Variants in ZBTB8OS observed in about 807,000 individuals in gnomAD.
The protein encoded by ZBTB8OS is tRNA-splicing ligase-activating factor archease.
In ZBTB8OS, 16 loss-of-function variants were observed where a neutral mutation model predicts 29.3. The ratio of observed to expected loss-of-function variants is 0.55; its 90% CI spans 0.37 to 0.83. ZBTB8OS has a LOEUF of 0.83. Among genes scored for constraint, ZBTB8OS ranks in the 40% least tolerant of loss-of-function variants. The pLI is 0.00. For missense variants in ZBTB8OS, 160 were observed against 196.9 expected (o/e 0.81, Z 1.12); for synonymous variants, 70 against 64.6 (o/e 1.08, Z -0.40).
chr1:32,631,194 G>GA (rs1226235286), intron 5 of ZBTB8OS, among the ~76,000 whole-genome samples: 3 of 151,010 alleles, frequency 2.0e-5, no homozygotes, highest in Non-Finnish European at 4.4e-5. Flanking sequence ...CATCTCTTCA[G>GA]AAAACAAAAA....
At chr1:32,636,065 C>T (rs1476546070) in intron 1 of ZBTB8OS, among the ~76,000 whole-genome samples, 1 of 152,194 alleles carries the variant, frequency 6.6e-6, no homozygotes, top group South Asian at 2.1e-4. Flanking sequence ...ACTCAGCTGA[C>T]ACCACCCAGA....
chr1:32,624,058 A>G (rs1436197589), intron 6 of ZBTB8OS, among the ~76,000 whole-genome samples: 2 of 152,102 alleles, frequency 1.3e-5, no homozygotes, highest in Non-Finnish European at 2.9e-5. Flanking sequence ...TCCTGCCACA[A>G]TGTGAAGAAG....
At position 32,633,581 on chromosome 1, in the gene ZBTB8OS, G is replaced by C. The variant is rs2148372447; in HGVS notation, c.327+64C>G. 4.2e-6 allele frequency: 5 copies of C among 1,185,654 alleles called. No individual in the cohort carries two copies. In the South Asian group the frequency reaches 6.8e-5, roughly 16 times the overall value. The allele number at this position is 1,185,654 out of a possible 1,614,324, so 73.4% of individuals were successfully genotyped here. A position where few individuals can be genotyped will look rare whatever the true frequency, so the allele number is the denominator to read the frequency against. Reference sequence around the variant, plus strand: ...TCACATGTCCTATTTTAAATCATCTGTTCTATTTTAAAATATGAACTAAGA... The same window carrying C: ...TCACATGTCCTATTTTAAATCATCTCTTCTATTTTAAAATATGAACTAAGA... On this transcript the variant is annotated intron_variant, in intron 4 of 6. Coordinates refer to ENST00000468695, the MANE Select transcript of ZBTB8OS (RefSeq NM_178547.5).
At position 32,634,641 on chromosome 1, in the gene ZBTB8OS, C is replaced by A. The variant is rs185010447; in HGVS notation, c.122+127G>T. The A allele has an allele frequency of 2.4e-3, 3,102 of 1,270,472 alleles. 6 individuals are homozygous for A. Among genetic ancestry groups the A allele is most frequent in the Middle Eastern group, 4.8e-3 (26 of 5,376 alleles). The allele number at this position is 1,270,472 out of a possible 1,614,324, so 78.7% of individuals were successfully genotyped here. A position where few individuals can be genotyped will look rare whatever the true frequency, so the allele number is the denominator to read the frequency against. ...CCCTGCAAAACTGAGTGCTTTCAAACCATCATTTTCATATTGTGAAGGAAC... is the reference window on the plus strand; with the variant it reads ...CCCTGCAAAACTGAGTGCTTTCAAAACATCATTTTCATATTGTGAAGGAAC... On this transcript the variant is annotated intron_variant, in intron 2 of 6. Transcript: ENST00000468695.
intron 1 of ZBTB8OS, among the ~76,000 whole-genome samples, chr1:32,646,633 C>G (rs1158633176): frequency 6.6e-6 from 1 of 150,870 alleles, no homozygotes; most frequent in African/African-American, 2.4e-5. Context: ...CGTGATCCGC[C>G]GGCCAAAAGT....
At chr1:32,636,588 G>A (rs184254948) in intron 1 of ZBTB8OS, among the ~76,000 whole-genome samples, 1 of 151,926 alleles carries the variant, frequency 6.6e-6, no homozygotes, top group East Asian at 1.9e-4. Context: ...TACTCAGGAG[G>A]CTGAGGCAGG....
intron 1 of ZBTB8OS, among the ~76,000 whole-genome samples, chr1:32,639,316 A>C (rs1285055197): frequency 6.6e-6 from 1 of 151,734 alleles, no homozygotes; most frequent in East Asian, 1.9e-4. Flanking sequence ...AAATAAAAAA[A>C]AAAAAGATGG....
chr1:32,625,158 G>A (rs1645020736), intron 6 of ZBTB8OS, among the ~76,000 whole-genome samples: 1 of 151,656 alleles, frequency 6.6e-6, no homozygotes, highest in Non-Finnish European at 1.5e-5. Context: ...GGGAGGGGGA[G>A]GTTGCAGTGA....
At chr1:32,631,398 A>G (rs1313116236) in intron 5 of ZBTB8OS, among the ~76,000 whole-genome samples, 1 of 151,990 alleles carries the variant, frequency 6.6e-6, no homozygotes, top group Admixed American at 6.6e-5. Context: ...TAAAAAATAT[A>G]ATTAAGTGAC....
chr1:32,650,350 G>GA, intron 1 of ZBTB8OS, 83 bp downstream of exon 1: 1 of 1,566,770 alleles, frequency 6.4e-7, no homozygotes, highest in Non-Finnish European at 8.7e-7. Flanking sequence ...GGGCACAGTA[G>GA]AAAGAGCAGC....
In ZBTB8OS at chr1:32,621,127, A is replaced by T. The variant is rs531857180; in HGVS notation, c.*735T>A. On this transcript the variant is annotated 3_prime_UTR_variant, in exon 7 of 7. Transcript: ENST00000468695. ...GAAAATCTATGTCTTGTGGCCGGGC[A>T]TGGTAGCTCATGCCTGTAATCGCAG... The T allele has an allele frequency of 3.3e-5, 5 of 152,402 alleles. No individual in the cohort carries two copies. Among genetic ancestry groups the T allele is most frequent in the Non-Finnish European group, 7.3e-5 (5 of 68,102 alleles). 9.4% of individuals were successfully genotyped at this position (152,402 alleles called of 1,614,324 possible).
chr1:32,650,476 C>T lies in ZBTB8OS; in HGVS notation c.54G>A (p.Lys18=). The part of the protein sequence containing the change: ...VRDYNLTEEQ[K]AIKAKYPPVN... ...CTGGCGGATACTTGGCCTTGATCGC[C>T]TTCTGTTCTTCAGTCAAATTGTAAT... is the stretch of plus-strand genomic sequence containing the variant. Residue 18 remains lysine, a synonymous_variant, in exon 1 of 7, where the codon AAG becomes AAA. Coordinates refer to ENST00000468695, the MANE Select transcript of ZBTB8OS (RefSeq NM_178547.5). 1 of 1,614,172 alleles carries T rather than the reference C, an allele frequency of 6.2e-7. No individual in the cohort carries two copies. The highest frequency in any genetic ancestry group is 8.5e-7 in the Non-Finnish European group (1 of 1,180,018).
intron 2 of ZBTB8OS, 46 bp from the exon 3 acceptor site, chr1:32,634,118 A>G (rs1570576730): frequency 1.5e-6 from 2 of 1,369,798 alleles, no homozygotes; most frequent in African/African-American, 3.0e-5. Context: ...CCACTGCAAG[A>G]AAGAAAATTT....
chr1:32,629,256 A>T (rs1429024364), intron 5 of ZBTB8OS, among the ~76,000 whole-genome samples: 1 of 112,612 alleles, frequency 8.9e-6, no homozygotes, highest in Non-Finnish European at 1.6e-5. Flanking sequence ...ACAAAAGATT[A>T]AAAAAAAAAA....
intron 6 of ZBTB8OS, among the ~76,000 whole-genome samples, chr1:32,625,165 G>A (rs757603153): frequency 6.6e-5 from 10 of 151,698 alleles, no homozygotes; most frequent in Non-Finnish European, 1.2e-4. Context: ...GGAGGTTGCA[G>A]TGAGTAGAGG....
chr1:32,632,584 ATTGTTTTT>A (rs1645653023), intron 4 of ZBTB8OS, among the ~76,000 whole-genome samples: 1 of 151,932 alleles, frequency 6.6e-6, no homozygotes, highest in South Asian at 2.1e-4. Context: ...CCAGATAATT[ATTGTTTTT>A]TTGTTTTTTT....
At chr1:32,626,796 G>C (rs1300114829) in intron 6 of ZBTB8OS, among the ~76,000 whole-genome samples, 2 of 152,132 alleles carry the variant, frequency 1.3e-5, no homozygotes, top group Non-Finnish European at 2.9e-5. Flanking sequence ...CGATCTGCCT[G>C]CCTTGGCCTC....
At chr1:32,634,478 G>A (rs539377599) in intron 2 of ZBTB8OS, 6 of 470,892 alleles carry the variant, frequency 1.3e-5, no homozygotes, top group Non-Finnish European at 2.3e-5. Context: ...GTCCGCCTCA[G>A]CCTCCCAAAG....
chr1:32,642,293 C>T (rs942606690), intron 1 of ZBTB8OS, among the ~76,000 whole-genome samples: 1 of 152,076 alleles, frequency 6.6e-6, no homozygotes, highest in African/African-American at 2.4e-5. Context: ...CACCTGAGAT[C>T]AGGAGTTCAA....
Sources: allele counts gnomAD v4.1 joint callset (sites outside exome capture counted in the v4.1 genomes callset), GRCh38; gene constraint gnomAD v4.1.1; transcripts MANE v1.5; gene names NCBI Gene and HGNC (gene_info 2026-07-23, HGNC 2026-07-21).